Variants in GLI3 observed in about 807,000 individuals in gnomAD.
GLI3 encodes transcription activator GLI3.
A neutral mutation model predicts 100.8 loss-of-function variants in GLI3; 20 were observed. The observed-to-expected ratio is 0.20, with a 90% CI of 0.14 to 0.29. GLI3 has a LOEUF of 0.29. Ranked by LOEUF, GLI3 falls within the 10% of genes least tolerant of loss-of-function variation. The pLI is 1.00. For missense variants in GLI3, 2,040 were observed against 2,128.5 expected, an observed-to-expected ratio of 0.96 and a Z score of 0.82; for synonymous variants, 938 against 860.5, an observed-to-expected ratio of 1.09 and a Z score of -1.58.
chr7:42,103,803 G>A (rs1416003597), intron 3 of GLI3, among the ~76,000 whole-genome samples: 1 of 152,160 alleles, frequency 6.6e-6, no homozygotes, highest in South Asian at 2.1e-4. Flanking sequence ...TGTCTCTCAA[G>A]CTTCAGATGT....
intron 3 of GLI3, among the ~76,000 whole-genome samples, chr7:42,108,994 A>G (rs1363021801): frequency 3.9e-5 from 6 of 151,970 alleles, no homozygotes; most frequent in Non-Finnish European, 2.9e-5. Context: ...ACACTGCTCT[A>G]TGCACAAGAA....
chr7:42,026,620 C>G (rs1024353547), intron 7 of GLI3, among the ~76,000 whole-genome samples: 1 of 152,178 alleles, frequency 6.6e-6, no homozygotes, highest in Non-Finnish European at 1.5e-5. Context: ...CACACATACA[C>G]GCAGACCTAA....
intron 10 of GLI3, among the ~76,000 whole-genome samples, chr7:41,988,060 G>A (rs1425094244): frequency 6.6e-6 from 1 of 152,176 alleles, no homozygotes; most frequent in Non-Finnish European, 1.5e-5. Context: ...TAGGTCAAAA[G>A]GAAACATCCT....
At chr7:42,019,334 G>A (rs1242243718) in intron 10 of GLI3, among the ~76,000 whole-genome samples, 2 of 152,172 alleles carry the variant, frequency 1.3e-5, no homozygotes, top group Non-Finnish European at 2.9e-5. Context: ...CAGAGAACCT[G>A]AGACTAACGT....
intron 7 of GLI3, among the ~76,000 whole-genome samples, chr7:42,027,539 G>A (rs778767452): frequency 6.6e-6 from 1 of 152,078 alleles, no homozygotes; most frequent in Non-Finnish European, 1.5e-5. Context: ...AATTACAATA[G>A]CAAAATTCAA....
In GLI3 at chr7:42,100,490, C is replaced by T. The variant is rs546129095; in HGVS notation, c.368-23633G>A. Among the ~76,000 whole-genome samples the T allele has an allele frequency of 2.6e-4, 39 of 151,874 alleles. No individual in the cohort carries two copies. The East Asian group carries it at 5.0e-3, about 20-fold the overall frequency. On this transcript the variant is annotated intron_variant, in intron 3 of 14. Coordinates refer to ENST00000395925, the MANE Select transcript of GLI3 (RefSeq NM_000168.6). Reference sequence around the variant, plus strand: ...GTGGCTCACACCAGTAATCCCAGCACTTTGGGAGGCCAAACTAGGCAGATC... The same window carrying T: ...GTGGCTCACACCAGTAATCCCAGCATTTTGGGAGGCCAAACTAGGCAGATC...
chr7:42,021,528 C>T (rs1369096076), intron 10 of GLI3, among the ~76,000 whole-genome samples: 1 of 152,224 alleles, frequency 6.6e-6, no homozygotes, highest in South Asian at 2.1e-4. Context: ...CTTTTAAAAG[C>T]TTTCACATTA....
chr7:42,149,247 G>A (rs913052004), intron 2 of GLI3, among the ~76,000 whole-genome samples: 1 of 152,208 alleles, frequency 6.6e-6, no homozygotes, highest in Admixed American at 6.5e-5. Flanking sequence ...TGTGGGGGAT[G>A]TTGATATGTG....
At chr7:42,133,372 G>A (rs145570412) in intron 3 of GLI3, among the ~76,000 whole-genome samples, 194 of 152,238 alleles carry the variant, frequency 1.3e-3, no homozygotes, top group African/African-American at 4.3e-3. Flanking sequence ...TAGTGTTGCC[G>A]ATGCCTCCAA....
rs191219362 is a variant in GLI3 at position 42,065,749 on chromosome 7, G to A, written c.473+11003C>T. ...AGTGGGCTCCCCTCTCACCCTACAC[G>A]GGATGATTTATGTTACTAACTTGGG... is the stretch of plus-strand genomic sequence containing the variant. On this transcript the variant is annotated intron_variant, in intron 4 of 14. Coordinates refer to ENST00000395925, the MANE Select transcript of GLI3 (RefSeq NM_000168.6). 6.6e-5 allele frequency among the ~76,000 whole-genome samples: 10 copies of A among 152,228 alleles called. No homozygotes were observed. In the East Asian group the frequency reaches 1.5e-3, roughly 23 times the overall value.
intron 10 of GLI3, among the ~76,000 whole-genome samples, chr7:42,007,834 C>CA: frequency 6.6e-6 from 1 of 152,272 alleles, no homozygotes; most frequent in South Asian, 2.1e-4. Flanking sequence ...CTGAGGAACT[C>CA]AGAGGTTCAC....
chr7:42,239,256 C>T (rs1281910834), upstream of GLI3, among the ~76,000 whole-genome samples: 3 of 152,178 alleles, frequency 2.0e-5, no homozygotes, highest in Admixed American at 6.5e-5. Context: ...ACTAACTGGC[C>T]TCAGGCCTGG....
At chr7:42,262,239 T>TCCTTCCTTCCTTCCCTCCTC (rs1262462758) in intron 1 of GLI3, among the ~76,000 whole-genome samples, 1 of 147,806 alleles carries the variant, frequency 6.8e-6, no homozygotes, top group Non-Finnish European at 1.5e-5. Context: ...CTTCCTTCCT[T>TCCTTCCTTCCTTCCCTCCTC]CCTTCCTTTC....
intron 12 of GLI3, among the ~76,000 whole-genome samples, chr7:41,976,081 C>T (rs747815745): frequency 5.9e-5 from 9 of 152,112 alleles, no homozygotes; most frequent in Non-Finnish European, 1.3e-4. Flanking sequence ...ACCTTGTATC[C>T]ATTAGCAGTC....
intron 10 of GLI3, among the ~76,000 whole-genome samples, chr7:42,014,319 T>A: frequency 6.6e-6 from 1 of 152,204 alleles, no homozygotes; most frequent in South Asian, 2.1e-4. Flanking sequence ...CCCACTACCC[T>A]TCTGCCTTCC....
chr7:42,239,956 G>A (rs138980130), upstream of GLI3, among the ~76,000 whole-genome samples: 5 of 152,228 alleles, frequency 3.3e-5, no homozygotes, highest in Admixed American at 2.0e-4. Flanking sequence ...TAAATCTTAC[G>A]TAGAATCCCA....
chr7:42,106,641 G>A (rs1020522186), intron 3 of GLI3, among the ~76,000 whole-genome samples: 1 of 152,214 alleles, frequency 6.6e-6, no homozygotes, highest in Non-Finnish European at 1.5e-5. Flanking sequence ...GACACAAAAT[G>A]AGAACAAGAA....
At chr7:42,183,602 G>A (rs117339701) in intron 2 of GLI3, among the ~76,000 whole-genome samples, 1,812 of 152,264 alleles carry the variant, frequency 0.012, 43 homozygotes, top group Admixed American at 0.052. Flanking sequence ...CCAGGTCACT[G>A]AAGGACCTGT....
chr7:42,145,399 C>G (rs1786677837), intron 3 of GLI3: 1 of 396,482 alleles, frequency 2.5e-6, no homozygotes, highest in Admixed American at 4.4e-5. Context: ...GTTAACACTT[C>G]TCAAACTCAT....
Sources: gnomAD v4.1 joint callset for allele counts (sites outside exome capture counted in the v4.1 genomes callset) on GRCh38, gnomAD v4.1.1 for gene constraint, MANE v1.5 for transcripts, NCBI Gene and HGNC (gene_info 2026-07-23, HGNC 2026-07-21) for gene names.